Variants in CCL26 observed in about 807,000 individuals in gnomAD.
The protein encoded by CCL26 is C-C motif chemokine 26.
Under a neutral mutation model 10.7 loss-of-function variants are expected in CCL26, and 10 were observed. The ratio of observed to expected loss-of-function variants is 0.93; its 90% CI spans 0.57 to 1.58. The LOEUF is 1.58. Among genes scored for constraint, CCL26 ranks in the 40% most tolerant of loss-of-function variants. The pLI, the probability that CCL26 is intolerant of heterozygous loss-of-function variation, is 0.00. For missense variants in CCL26, 116 were observed against 111.0 expected, an observed-to-expected ratio of 1.05 and a Z score of -0.20; for synonymous variants, 43 against 41.4, an observed-to-expected ratio of 1.04 and a Z score of -0.15.
chr7:75,778,926 G>A (rs1803001605), intron 1 of CCL26, among the ~76,000 whole-genome samples: 1 of 152,110 alleles, frequency 6.6e-6, no homozygotes, highest in African/African-American at 2.4e-5. Context: ...AGGCCTCTGA[G>A]CCCAAGCTAA....
intron 2 of CCL26, among the ~76,000 whole-genome samples, chr7:75,771,491 C>T (rs529557201): frequency 2.2e-4 from 33 of 152,224 alleles, no homozygotes; most frequent in African/African-American, 7.2e-4. Flanking sequence ...GAGGCTGAGG[C>T]GGGCAAATCA....
upstream of CCL26, among the ~76,000 whole-genome samples, chr7:75,777,059 G>C (rs533491291): frequency 1.1e-4 from 17 of 151,898 alleles, no homozygotes; most frequent in Admixed American, 1.1e-3. Context: ...AGTGAAACCC[G>C]GTCTCTACTA....
upstream of CCL26, among the ~76,000 whole-genome samples, chr7:75,772,665 A>AAAAC (rs1361136891): frequency 1.0e-4 from 15 of 149,898 alleles, no homozygotes; most frequent in African/African-American, 1.5e-4. Flanking sequence ...AAAAAAAAAA[A>AAAAC]AAACAAACAA....
At chr7:75,781,729 T>G (rs1246750205) in intron 1 of CCL26, among the ~76,000 whole-genome samples, 1 of 152,126 alleles carries the variant, frequency 6.6e-6, no homozygotes, top group African/African-American at 2.4e-5. Flanking sequence ...CTGAGCATCT[T>G]GTGACCCCCG....
intron 2 of CCL26, among the ~76,000 whole-genome samples, chr7:75,770,691 T>G (rs1363843715): frequency 6.6e-6 from 1 of 152,086 alleles, no homozygotes; most frequent in African/African-American, 2.4e-5. Flanking sequence ...TATTTTATTT[T>G]TTTTGAAACA....
intron 1 of CCL26, among the ~76,000 whole-genome samples, chr7:75,787,685 C>A (rs1803230091): frequency 1.0e-5 from 1 of 97,290 alleles, no homozygotes; most frequent in Non-Finnish European, 2.0e-5. Flanking sequence ...GACACACCCC[C>A]CAAGCTCAGC....
At chr7:75,782,327 C>G (rs1032344626) in intron 1 of CCL26, among the ~76,000 whole-genome samples, 5 of 152,126 alleles carry the variant, frequency 3.3e-5, no homozygotes, top group African/African-American at 1.2e-4. Context: ...GATTATTCAC[C>G]CACGTTGCAT....
chr7:75,779,326 G>A (rs1803010274), intron 1 of CCL26, among the ~76,000 whole-genome samples: 1 of 152,110 alleles, frequency 6.6e-6, no homozygotes, highest in African/African-American at 2.4e-5. Flanking sequence ...GCTGTGACTC[G>A]GATCGGGGGA....
chr7:75,779,725 A>G (rs1331199095), intron 1 of CCL26, among the ~76,000 whole-genome samples: 2 of 152,196 alleles, frequency 1.3e-5, no homozygotes, highest in African/African-American at 2.4e-5. Context: ...TTGTCTGATC[A>G]CCGCAGTGAC....
chr7:75,777,540 T>A (rs1554528903), intron 1 of CCL26, among the ~76,000 whole-genome samples: 1 of 151,638 alleles, frequency 6.6e-6, no homozygotes, highest in Admixed American at 6.6e-5. Context: ...TTGAGCCCAG[T>A]AGTTGGAGAC....
At chr7:75,769,866 C>T in intron 2 of CCL26, 77 bp from the exon 3 acceptor site, 1 of 875,052 alleles carries the variant, frequency 1.1e-6, no homozygotes, top group Non-Finnish European at 1.9e-6. Flanking sequence ...GAAGGAGGGG[C>T]AGCTCTCTCA....
chr7:75,785,962 C>T (rs1803176432), intron 1 of CCL26, among the ~76,000 whole-genome samples: 1 of 152,050 alleles, frequency 6.6e-6, no homozygotes, highest in Non-Finnish European at 1.5e-5. Flanking sequence ...GCTGCTGCCA[C>T]CCTAATACTT....
At chr7:75,771,778 G>A (rs1396856586) in intron 2 of CCL26, 111 bp downstream of exon 2, 2 of 726,744 alleles carry the variant, frequency 2.8e-6, no homozygotes, top group Non-Finnish European at 5.1e-6. Context: ...TTAGTGTGCA[G>A]AGGTGGGGTT....
At chr7:75,782,358 G>A (rs1803084083) in intron 1 of CCL26, among the ~76,000 whole-genome samples, 1 of 152,076 alleles carries the variant, frequency 6.6e-6, no homozygotes, top group Non-Finnish European at 1.5e-5. Context: ...TCTCTGCGTG[G>A]ACGCCTGCCT....
upstream of CCL26, among the ~76,000 whole-genome samples, chr7:75,791,209 T>G (rs1207261068): frequency 6.6e-6 from 1 of 151,696 alleles, no homozygotes; most frequent in African/African-American, 2.4e-5. Context: ...GTATTTTTAG[T>G]AGAGACAAGG....
chr7:75,789,764 C>T (rs1390706048), exon 1 of CCL26: 2 of 152,130 alleles, frequency 1.3e-5, no homozygotes, highest in African/African-American at 4.8e-5. Flanking sequence ...GCTCATCCTC[C>T]AGAGCTTGCT....
At chr7:75,782,779 C>T (rs538706253) in intron 1 of CCL26, among the ~76,000 whole-genome samples, 2 of 152,276 alleles carry the variant, frequency 1.3e-5, no homozygotes, top group African/African-American at 2.4e-5. Flanking sequence ...TTCTTTTACA[C>T]ATTAGTCCCT....
chr7:75,791,391 A>C (rs114456143), upstream of CCL26, among the ~76,000 whole-genome samples: 727 of 152,130 alleles, frequency 4.8e-3, 8 homozygotes, highest in African/African-American at 0.017. Context: ...CCTTGATGTC[A>C]GCCCATAGCT....
intron 1 of CCL26, among the ~76,000 whole-genome samples, chr7:75,778,092 G>A (rs1448763138): frequency 1.3e-5 from 2 of 152,138 alleles, no homozygotes; most frequent in African/African-American, 4.8e-5. Context: ...CACTCCTATT[G>A]CCTATTTGAA....
Sources: allele counts gnomAD v4.1 joint callset (sites outside exome capture counted in the v4.1 genomes callset), GRCh38; gene constraint gnomAD v4.1.1; transcripts MANE v1.5; gene names NCBI Gene and HGNC (gene_info 2026-07-23, HGNC 2026-07-21).